TLL1: variants seen among roughly 807,000 people sequenced by gnomAD.
TLL1 encodes the protein tolloid-like protein 1.
TLL1 carries 49 observed loss-of-function variants against 128.2 expected under a neutral mutation model. That is an observed-to-expected ratio of 0.38 (90% CI 0.30 to 0.48). TLL1 has a LOEUF of 0.48. TLL1 is among the 20% of genes least tolerant of loss of function. TLL1 has a pLI of 0.96. For synonymous variants in TLL1, 454 were observed against 418.8 expected, an observed-to-expected ratio of 1.08 and a Z score of -1.03; for missense variants, 1,123 against 1,242.0, an observed-to-expected ratio of 0.90 and a Z score of 1.44.
intron 9 of TLL1, among the ~76,000 whole-genome samples, chr4:166,036,625 T>C (rs1739014329): frequency 6.6e-6 from 1 of 152,130 alleles, no homozygotes; most frequent in African/African-American, 2.4e-5. Context: ...AGCCCTATGA[T>C]TTGATTTTAG....
intron 1 of TLL1, among the ~76,000 whole-genome samples, chr4:165,912,158 G>A (rs935359336): frequency 1.6e-4 from 24 of 152,080 alleles, no homozygotes; most frequent in African/African-American, 5.1e-4. Context: ...TCTTAAACAT[G>A]GTGTTGTCCC....
chr4:166,060,281 T>C (rs1740245341), intron 15 of TLL1, 93 bp downstream of exon 15: 2 of 1,329,516 alleles, frequency 1.5e-6, no homozygotes, highest in Non-Finnish European at 2.1e-6. Flanking sequence ...TGTAGTAAAA[T>C]AGTATAGACA....
At chr4:166,008,095 A>G (rs759147769) in intron 7 of TLL1, 47 bp downstream of exon 7, 4 of 1,382,840 alleles carry the variant, frequency 2.9e-6, no homozygotes, top group East Asian at 2.3e-5. Flanking sequence ...CCTTTCCTCC[A>G]TGTGGCTCCT....
chr4:166,053,904 C>T (rs1022213417), intron 12 of TLL1, among the ~76,000 whole-genome samples: 2 of 152,050 alleles, frequency 1.3e-5, no homozygotes, highest in Non-Finnish European at 2.9e-5. Flanking sequence ...TAGTGGTCAA[C>T]TTCTGTGAAA....
chr4:166,065,552 T>TA, intron 15 of TLL1, 131 bp from the exon 16 acceptor site: 1 of 914,546 alleles, frequency 1.1e-6, no homozygotes, highest in Non-Finnish European at 1.7e-6. Context: ...CCTGATTTTT[T>TA]TCCTTACCTG....
At chr4:165,879,170 C>T (rs1192323478) in intron 1 of TLL1, among the ~76,000 whole-genome samples, 5 of 151,908 alleles carry the variant, frequency 3.3e-5, no homozygotes, top group Admixed American at 1.3e-4. Context: ...TGGTCTTGAA[C>T]TCCTGAACCA....
At chr4:165,928,737 T>C (rs1561034094) in intron 1 of TLL1, among the ~76,000 whole-genome samples, 1 of 152,200 alleles carries the variant, frequency 6.6e-6, no homozygotes, top group Non-Finnish European at 1.5e-5. Flanking sequence ...CTCTAGAGTG[T>C]GTGCATCACA....
At chr4:165,884,018 A>G (rs543646241) in intron 1 of TLL1, among the ~76,000 whole-genome samples, 2 of 152,332 alleles carry the variant, frequency 1.3e-5, no homozygotes, top group South Asian at 4.1e-4. Flanking sequence ...AAGAGCTTAG[A>G]TATTCACAAT....
At chr4:165,886,075 A>G (rs1181134255) in intron 1 of TLL1, among the ~76,000 whole-genome samples, 1 of 152,120 alleles carries the variant, frequency 6.6e-6, no homozygotes, top group East Asian at 1.9e-4. Context: ...AAATTTTCAA[A>G]TCATCGCCAA....
chr4:166,036,104 T>C (rs1448713790), intron 9 of TLL1, among the ~76,000 whole-genome samples: 1 of 152,156 alleles, frequency 6.6e-6, no homozygotes, highest in Non-Finnish European at 1.5e-5. Flanking sequence ...CTAATTGGCT[T>C]TTTTTGTGGT....
chr4:165,936,420 C>T (rs912504837), intron 1 of TLL1, among the ~76,000 whole-genome samples: 25 of 150,966 alleles, frequency 1.7e-4, no homozygotes, highest in Admixed American at 6.6e-4. Flanking sequence ...CCATGTTGGC[C>T]AGGCTGGTCT....
At chr4:165,937,795 C>G (rs1733828829) in intron 1 of TLL1, among the ~76,000 whole-genome samples, 1 of 151,714 alleles carries the variant, frequency 6.6e-6, no homozygotes, top group East Asian at 1.9e-4. Flanking sequence ...AAATCTTTGA[C>G]TCACATTTTT....
At chr4:166,021,971 C>T (rs1194841317) in intron 8 of TLL1, among the ~76,000 whole-genome samples, 1 of 152,210 alleles carries the variant, frequency 6.6e-6, no homozygotes, top group Non-Finnish European at 1.5e-5. Flanking sequence ...GCAGTTATAA[C>T]GGAAATGTAT....
At chr4:165,993,225 T>C (rs1300102487) in intron 3 of TLL1, among the ~76,000 whole-genome samples, 2 of 152,054 alleles carry the variant, frequency 1.3e-5, no homozygotes, top group Non-Finnish European at 2.9e-5. Flanking sequence ...AAAAATATCA[T>C]GGTTATTTGT....
At chr4:166,096,772 C>A (rs1742041082) in intron 19 of TLL1, among the ~76,000 whole-genome samples, 1 of 152,078 alleles carries the variant, frequency 6.6e-6, no homozygotes, top group South Asian at 2.1e-4. Context: ...TTTTAAAAAT[C>A]TGTAAATGAG....
intron 2 of TLL1, among the ~76,000 whole-genome samples, chr4:165,990,636 C>T (rs1226365044): frequency 6.6e-6 from 1 of 151,482 alleles, no homozygotes; most frequent in East Asian, 1.9e-4. Context: ...GTGTTTAAAA[C>T]AAATTTGAAG....
intron 9 of TLL1, among the ~76,000 whole-genome samples, chr4:166,035,723 A>G (rs1346938140): frequency 6.6e-6 from 1 of 152,220 alleles, no homozygotes; most frequent in South Asian, 2.1e-4. Flanking sequence ...TGGAAAGAAC[A>G]TAGAGTAAAT....
At chr4:165,970,959 C>A (rs1735603453) in intron 1 of TLL1, among the ~76,000 whole-genome samples, 1 of 152,204 alleles carries the variant, frequency 6.6e-6, no homozygotes, top group Non-Finnish European at 1.5e-5. Flanking sequence ...GTGGCTGGCA[C>A]AACTTCCAGA....
intron 7 of TLL1, 136 bp from the exon 8 acceptor site, chr4:166,014,300 G>C: frequency 7.7e-7 from 1 of 1,294,016 alleles, no homozygotes; most frequent in Admixed American, 1.7e-5. Context: ...TTGAAAGCCT[G>C]ATACACTGCT....
Sources: gnomAD v4.1 joint callset for allele counts (sites outside exome capture counted in the v4.1 genomes callset) on GRCh38, gnomAD v4.1.1 for gene constraint, MANE v1.5 for transcripts, NCBI Gene and HGNC (gene_info 2026-07-23, HGNC 2026-07-21) for gene names.